The following MCTP2 variants were observed in gnomAD, a reference collection of about 807,000 sequenced individuals.
The protein encoded by MCTP2 is multiple C2 and transmembrane domain containing 2.
A neutral mutation model predicts 111.6 loss-of-function variants in MCTP2; 132 were observed. That is an observed-to-expected ratio of 1.18 (90% confidence interval 1.03 to 1.37). MCTP2 has a LOEUF of 1.37. Ranked by LOEUF, MCTP2 falls within the 40% of genes most tolerant of loss-of-function variation. The pLI is 0.00. For synonymous variants in MCTP2, 395 were observed against 387.7 expected (o/e 1.02, Z -0.22); for missense variants, 1,183 against 1,067.9 (o/e 1.11, Z -1.50).
chr15:94,476,850 C>G (rs939609454), intron 22 of MCTP2, 57 bp downstream of exon 22: 4 of 1,005,158 alleles, frequency 4.0e-6, no homozygotes, highest in South Asian at 2.7e-5. Context: ...TGGCCAGCCC[C>G]GGAGCCAGAG....
At chr15:94,336,455 A>G (rs2117215) in intron 4 of MCTP2, among the ~76,000 whole-genome samples, 74,225 of 151,854 alleles carry the variant, frequency 0.49, 18,225 homozygotes, top group Admixed American at 0.54. Flanking sequence ...TGGATGCACC[A>G]TGTAACCTCC....
intron 10 of MCTP2, among the ~76,000 whole-genome samples, chr15:94,362,956 GA>G (rs949269261): frequency 6.6e-6 from 1 of 151,672 alleles, no homozygotes; most frequent in African/African-American, 2.4e-5. Context: ...GCAGGAAAGG[GA>G]AAAAAAAGTA....
chr15:94,297,068 G>A (rs1308900077), intron 1 of MCTP2, among the ~76,000 whole-genome samples: 1 of 152,198 alleles, frequency 6.6e-6, no homozygotes, highest in Non-Finnish European at 1.5e-5. Context: ...ATTTGTGGAA[G>A]CTCTTGGCCT....
chr15:94,466,507 AG>A (rs2073322069), intron 20 of MCTP2, among the ~76,000 whole-genome samples: 1 of 152,152 alleles, frequency 6.6e-6, no homozygotes, highest in African/African-American at 2.4e-5. Flanking sequence ...CTTAGCACCG[AG>A]GGCATGATTT....
At chr15:94,315,948 A>C (rs1021794466) in intron 4 of MCTP2, among the ~76,000 whole-genome samples, 9 of 152,164 alleles carry the variant, frequency 5.9e-5, no homozygotes, top group African/African-American at 2.2e-4. Context: ...CCTCAATCCT[A>C]CTTTAATTAT....
chr15:94,294,605 A>G (rs1180773545), intron 1 of MCTP2, among the ~76,000 whole-genome samples: 1 of 152,252 alleles, frequency 6.6e-6, no homozygotes, highest in African/African-American at 2.4e-5. Context: ...CACATTCTTT[A>G]GAGATGCAAC....
chr15:94,383,886 C>T (rs2080299392), intron 12 of MCTP2, 136 bp from the exon 13 acceptor site: 2 of 633,938 alleles, frequency 3.2e-6, no homozygotes, highest in Non-Finnish European at 2.9e-6. Flanking sequence ...CCACACAGGG[C>T]CTCCATGACT....
intron 10 of MCTP2, among the ~76,000 whole-genome samples, chr15:94,360,694 G>T (rs938397514): frequency 6.6e-6 from 1 of 152,012 alleles, no homozygotes; most frequent in Non-Finnish European, 1.5e-5. Flanking sequence ...GTGTTGGGTT[G>T]CTTCACAGAG....
At chr15:94,336,857 G>C (rs2077389215) in intron 4 of MCTP2, among the ~76,000 whole-genome samples, 1 of 151,954 alleles carries the variant, frequency 6.6e-6, no homozygotes, top group African/African-American at 2.4e-5. Context: ...CTGAGGCTGA[G>C]GGACTCCTTC....
chr15:94,414,153 C>A (rs1373738780), intron 17 of MCTP2, among the ~76,000 whole-genome samples: 1 of 152,142 alleles, frequency 6.6e-6, no homozygotes, highest in East Asian at 1.9e-4. Context: ...TGGTCTTGAG[C>A]AAATTATGTG....
At chr15:94,263,392 C>T (rs1178590987) in intron 1 of MCTP2, among the ~76,000 whole-genome samples, 1 of 152,138 alleles carries the variant, frequency 6.6e-6, no homozygotes, top group Admixed American at 6.5e-5. Flanking sequence ...CCTCTGGCCA[C>T]AATATTTTTG....
intron 17 of MCTP2, among the ~76,000 whole-genome samples, chr15:94,427,060 A>G (rs576728872): frequency 5.9e-5 from 9 of 152,270 alleles, no homozygotes; most frequent in African/African-American, 1.7e-4. Flanking sequence ...CTAAGCATGC[A>G]TGGCTTAAGA....
intron 4 of MCTP2, among the ~76,000 whole-genome samples, chr15:94,317,130 G>A (rs112345973): frequency 6.6e-6 from 1 of 151,904 alleles, no homozygotes; most frequent in Non-Finnish European, 1.5e-5. Flanking sequence ...CCCTTTTTGA[G>A]AATATTAAGT....
intron 20 of MCTP2, 58 bp downstream of exon 20, chr15:94,458,304 TG>T: frequency 9.9e-7 from 1 of 1,012,952 alleles, no homozygotes; most frequent in Non-Finnish European, 1.6e-6. Flanking sequence ...ACAAGGACAG[TG>T]GGGTAATGGC....
chr15:94,444,051 C>CTCT (rs1430226800), intron 19 of MCTP2, among the ~76,000 whole-genome samples: 2 of 139,284 alleles, frequency 1.4e-5, no homozygotes, highest in Non-Finnish European at 3.1e-5. Flanking sequence ...GAGGTGATAA[C>CTCT]TGCAAGTCTA....
At chr15:94,363,767 A>G (rs1286229701) in intron 10 of MCTP2, among the ~76,000 whole-genome samples, 1 of 152,018 alleles carries the variant, frequency 6.6e-6, no homozygotes, top group Non-Finnish European at 1.5e-5. Context: ...TGGAATAAAA[A>G]TTTCCTGGTC....
chr15:94,276,917 C>A (rs1418302253), intron 1 of MCTP2, among the ~76,000 whole-genome samples: 6 of 109,746 alleles, frequency 5.5e-5, no homozygotes, highest in African/African-American at 1.1e-4. Context: ...GTTAATATCA[C>A]AACTACTGTT....
At chr15:94,470,814 G>A (rs954102327) in intron 21 of MCTP2, among the ~76,000 whole-genome samples, 10 of 152,066 alleles carry the variant, frequency 6.6e-5, no homozygotes, top group African/African-American at 2.2e-4. Flanking sequence ...TTGATATTAT[G>A]TAAAAGTGGA....
At chr15:94,390,071 T>C (rs1346088859) in intron 14 of MCTP2, among the ~76,000 whole-genome samples, 428 of 20,212 alleles carry the variant, frequency 0.021, 8 homozygotes, top group African/African-American at 0.059. Context: ...TATATATATA[T>C]ATATATATAT....
Sources: gnomAD v4.1 joint callset for allele counts (sites outside exome capture counted in the v4.1 genomes callset) on GRCh38, gnomAD v4.1.1 for gene constraint, MANE v1.5 for transcripts, NCBI Gene and HGNC (gene_info 2026-07-23, HGNC 2026-07-21) for gene names.